Variants in OPRD1 observed in about 807,000 individuals in gnomAD.
The protein encoded by OPRD1 is opioid receptor delta 1.
A neutral mutation model predicts 17.5 loss-of-function variants in OPRD1; 19 were observed. The observed-to-expected ratio is 1.09, with a 90% CI of 0.76 to 1.60. The LOEUF (loss-of-function observed/expected upper bound fraction) is 1.60. Ranked by LOEUF, OPRD1 falls within the 40% of genes most tolerant of loss-of-function variation. The pLI is 0.00. For missense variants in OPRD1, 483 were observed against 547.2 expected (o/e 0.88, Z 1.17); for synonymous variants, 256 against 240.9 (o/e 1.06, Z -0.58).
At chr1:28,861,851 G>A (rs111380931) in intron 2 of OPRD1, among the ~76,000 whole-genome samples, 3,365 of 151,422 alleles carry the variant, frequency 0.022, 120 homozygotes, top group African/African-American at 0.073. Flanking sequence ...CTGTGGGTAC[G>A]CCAAGAGCTT....
intron 1 of OPRD1, among the ~76,000 whole-genome samples, chr1:28,841,329 C>G (rs1163458348): frequency 6.6e-6 from 1 of 152,260 alleles, no homozygotes; most frequent in African/African-American, 2.4e-5. Context: ...CATCCCCAGC[C>G]CAGCCCGGCC....
intron 1 of OPRD1, among the ~76,000 whole-genome samples, chr1:28,816,932 G>C (rs888895327): frequency 1.3e-5 from 2 of 152,062 alleles, no homozygotes; most frequent in East Asian, 3.9e-4. Context: ...TGGGTGGCCC[G>C]ACCCAGAACC....
chr1:28,830,650 C>T (rs1225738586), intron 1 of OPRD1, among the ~76,000 whole-genome samples: 1 of 152,146 alleles, frequency 6.6e-6, no homozygotes, highest in East Asian at 1.9e-4. Context: ...TGAGCACTTG[C>T]TGTTGGAATA....
chr1:28,858,692 C>G (rs1198846762), intron 1 of OPRD1, among the ~76,000 whole-genome samples: 1 of 151,892 alleles, frequency 6.6e-6, no homozygotes, highest in African/African-American at 2.4e-5. Flanking sequence ...ATTACAGGCA[C>G]CCACCACCAC....
intron 1 of OPRD1, among the ~76,000 whole-genome samples, chr1:28,857,745 C>A (rs561053871): frequency 3.5e-4 from 54 of 152,290 alleles, no homozygotes; most frequent in African/African-American, 1.1e-3. Flanking sequence ...GCCTTGGCCC[C>A]CCAAAGTGCT....
intron 1 of OPRD1, among the ~76,000 whole-genome samples, chr1:28,815,064 C>G (rs996644372): frequency 6.6e-6 from 1 of 152,122 alleles, no homozygotes; most frequent in African/African-American, 2.4e-5. Context: ...CCAGAGTTGC[C>G]TGGGGTAGAG....
Position 28,863,339 on chromosome 1 carries a change from T to C in OPRD1, c.*56T>C. 7.2e-7 allele frequency: 1 copy of C among 1,392,388 alleles called. No individual in the cohort carries two copies. Among genetic ancestry groups the C allele is most frequent in the South Asian group, 1.6e-5 (1 of 62,444 alleles). The allele number at this position is 1,392,388 out of a possible 1,614,324, so 86.3% of individuals were successfully genotyped here. On this transcript the variant is annotated 3_prime_UTR_variant, in exon 3 of 3. Transcript: ENST00000234961. Reference sequence around the variant, plus strand: ...CCTAGTGACCCGGAGGCCACATGAGTCCCAGTGGGAGGCGCGAGCCATGAT... The same window carrying C: ...CCTAGTGACCCGGAGGCCACATGAGCCCCAGTGGGAGGCGCGAGCCATGAT...
intron 1 of OPRD1, among the ~76,000 whole-genome samples, chr1:28,823,300 G>T (rs1341764624): frequency 1.4e-5 from 2 of 145,720 alleles, no homozygotes; most frequent in East Asian, 4.1e-4. Flanking sequence ...GGGTTCAAGT[G>T]ATTCTCATGC....
chr1:28,852,958 G>A (rs934606065), intron 1 of OPRD1, among the ~76,000 whole-genome samples: 4 of 152,076 alleles, frequency 2.6e-5, no homozygotes, highest in African/African-American at 9.7e-5. Context: ...GGCCTCAGGT[G>A]ATCTACCCAC....
intron 1 of OPRD1, among the ~76,000 whole-genome samples, chr1:28,838,960 G>T (rs2088874792): frequency 1.3e-5 from 2 of 152,062 alleles, no homozygotes; most frequent in South Asian, 4.1e-4. Context: ...AAGTGCAATG[G>T]CTATTCACAG....
intron 2 of OPRD1, among the ~76,000 whole-genome samples, chr1:28,860,222 A>G (rs539545858): frequency 6.6e-6 from 1 of 152,174 alleles, no homozygotes; most frequent in African/African-American, 2.4e-5. Flanking sequence ...AAAATTAGCC[A>G]GGCGTGGTGG....
intron 1 of OPRD1, among the ~76,000 whole-genome samples, chr1:28,826,962 T>C (rs1242598238): frequency 6.6e-6 from 1 of 152,192 alleles, no homozygotes; most frequent in Non-Finnish European, 1.5e-5. Flanking sequence ...TTCAACAAAG[T>C]TCACAGATCT....
chr1:28,863,370 G>C lies in OPRD1; in HGVS notation c.*87G>C. The C allele has an allele frequency of 7.4e-7, 1 of 1,349,586 alleles. No individual in the cohort carries two copies. Among genetic ancestry groups the C allele is most frequent in the Non-Finnish European group, 9.6e-7 (1 of 1,044,310 alleles). The allele number at this position is 1,349,586 out of a possible 1,614,324, so 83.6% of individuals were successfully genotyped here. A position where few individuals can be genotyped will look rare whatever the true frequency, so the allele number is the denominator to read the frequency against. On this transcript the variant is annotated 3_prime_UTR_variant, in exon 3 of 3. Coordinates refer to ENST00000234961, the MANE Select transcript of OPRD1 (RefSeq NM_000911.4). ...TGGGAGGCGCGAGCCATGATGTGGA[G>C]TGGGGCAGTAGAAGGTCGGAGGCTT...
intron 1 of OPRD1, among the ~76,000 whole-genome samples, chr1:28,829,168 G>A (rs913663179): frequency 6.6e-6 from 1 of 152,044 alleles, no homozygotes; most frequent in African/African-American, 2.4e-5. Context: ...GATCTTTAAA[G>A]CCCCATGGAC....
rs933954664 is a variant in OPRD1, at chr1:28,865,138, T to C, written c.*1855T>C. 3 of 152,218 alleles carry C rather than the reference T, an allele frequency of 2.0e-5. No homozygotes were observed. Among genetic ancestry groups the C allele is most frequent in the African/African-American group, 7.2e-5 (3 of 41,392 alleles). 9.4% of individuals were successfully genotyped at this position (152,218 alleles called of 1,614,324 possible). On this transcript the variant is annotated 3_prime_UTR_variant, in exon 3 of 3. Coordinates refer to ENST00000234961, the MANE Select transcript of OPRD1 (RefSeq NM_000911.4). ...ATTCAGGCACTCCTGGATCTTTGCT[T>C]CCCAGAATATCAGTGTCTGTCCTTG...
At chr1:28,822,069 A>G (rs2088718846) in intron 1 of OPRD1, among the ~76,000 whole-genome samples, 1 of 151,312 alleles carries the variant, frequency 6.6e-6, no homozygotes. Flanking sequence ...CTCCTGCCTC[A>G]GCCTCCCGAG....
chr1:28,858,489 A>G (rs909180705), intron 1 of OPRD1, among the ~76,000 whole-genome samples: 6 of 151,722 alleles, frequency 4.0e-5, no homozygotes, highest in African/African-American at 1.5e-4. Context: ...TGTCGGGGAA[A>G]GGAGCGATGC....
At chr1:28,827,187 T>C (rs1223295866) in intron 1 of OPRD1, among the ~76,000 whole-genome samples, 2 of 152,120 alleles carry the variant, frequency 1.3e-5, no homozygotes, top group Non-Finnish European at 2.9e-5. Flanking sequence ...TCCCAGCTAC[T>C]AGGGAGGCTG....
chr1:28,814,955 T>C (rs1283542996), intron 1 of OPRD1, among the ~76,000 whole-genome samples: 1 of 152,068 alleles, frequency 6.6e-6, no homozygotes. Context: ...AATCTGCAGC[T>C]CAGAGACAGG....
Sources: gnomAD v4.1 joint callset for allele counts (sites outside exome capture counted in the v4.1 genomes callset) on GRCh38, gnomAD v4.1.1 for gene constraint, MANE v1.5 for transcripts, NCBI Gene and HGNC (gene_info 2026-07-23, HGNC 2026-07-21) for gene names.